PHKB: variants seen among roughly 807,000 people sequenced by gnomAD.
PHKB encodes phosphorylase b kinase regulatory subunit beta.
PHKB carries 122 observed loss-of-function variants against 152.1 expected under a neutral mutation model. That is an observed-to-expected ratio of 0.80 (90% CI 0.69 to 0.93). The LOEUF (loss-of-function observed/expected upper bound fraction) is 0.93. PHKB is among the 40% of genes least tolerant of loss of function. The pLI is 0.00. For missense variants in PHKB, 1,304 were observed against 1,328.4 expected (o/e 0.98, Z 0.29); for synonymous variants, 436 against 464.9 (o/e 0.94, Z 0.80).
chr16:47,543,226 T>C (rs1971094429), intron 6 of PHKB, among the ~76,000 whole-genome samples: 1 of 152,196 alleles, frequency 6.6e-6, no homozygotes, highest in African/African-American at 2.4e-5. Flanking sequence ...GTTGGAATAT[T>C]GTCAAAGGCC....
chr16:47,649,007 C>T, intron 17 of PHKB, 93 bp from the exon 18 acceptor site: 1 of 770,578 alleles, frequency 1.3e-6, no homozygotes. Context: ...CAGAATTAGA[C>T]ATCAGTTTTT....
intron 26 of PHKB, among the ~76,000 whole-genome samples, chr16:47,672,702 T>G (rs1973657552): frequency 6.6e-6 from 1 of 152,182 alleles, no homozygotes; most frequent in Admixed American, 6.5e-5. Flanking sequence ...ATTTAGGTCC[T>G]CTACAAATCT....
chr16:47,542,428 T>G, intron 6 of PHKB, among the ~76,000 whole-genome samples: 1 of 152,156 alleles, frequency 6.6e-6, no homozygotes, highest in East Asian at 1.9e-4. Context: ...TGAAGTCAGG[T>G]AGCGTGATGC....
chr16:47,528,695 T>C (rs1970807663), intron 6 of PHKB, among the ~76,000 whole-genome samples: 1 of 65,144 alleles, frequency 1.5e-5, no homozygotes, highest in Non-Finnish European at 3.6e-5. Flanking sequence ...AAGGACTTTT[T>C]CTTTTTTTTT....
At chr16:47,624,070 T>A (rs1168228894) in intron 14 of PHKB, among the ~76,000 whole-genome samples, 4 of 152,232 alleles carry the variant, frequency 2.6e-5, no homozygotes. Context: ...TATATTTTCA[T>A]GAATAATTTT....
At position 47,566,422 on chromosome 16, in the gene PHKB, C is replaced by T; in HGVS notation, c.711-13873C>T. The stretch of plus-strand genomic sequence containing the variant: ...CAAATTCTCCTGTTACCTAGAGACT[C>T]TTCATTGAGACTCAGGGCACTGAGC... On this transcript the variant is annotated intron_variant, in intron 7 of 30. Transcript: ENST00000323584. 2.5e-6 allele frequency: 4 copies of T among 1,609,152 alleles called. No individual in the cohort carries two copies. In the South Asian group the frequency reaches 4.4e-5, roughly 18 times the overall value.
chr16:47,665,322 G>C, intron 25 of PHKB: 1 of 262,736 alleles, frequency 3.8e-6, no homozygotes, highest in Non-Finnish European at 7.3e-6. Flanking sequence ...TATTGCATGT[G>C]CTGTACTTTA....
At chr16:47,636,643 A>G (rs1324632907) in intron 14 of PHKB, among the ~76,000 whole-genome samples, 1 of 152,226 alleles carries the variant, frequency 6.6e-6, no homozygotes, top group Non-Finnish European at 1.5e-5. Flanking sequence ...CAGTGTTGAC[A>G]TGCCATCCCC....
At chr16:47,640,710 TTTAGAG>T (rs1397137368) in intron 14 of PHKB, among the ~76,000 whole-genome samples, 1 of 152,146 alleles carries the variant, frequency 6.6e-6, no homozygotes, top group Non-Finnish European at 1.5e-5. Context: ...TCCTCTTCCC[TTTAGAG>T]TTAAATGATG....
chr16:47,677,647 C>T (rs983511914), intron 26 of PHKB, among the ~76,000 whole-genome samples: 1 of 152,126 alleles, frequency 6.6e-6, no homozygotes, highest in South Asian at 2.1e-4. Flanking sequence ...ACCTGATTAC[C>T]TCCCAAAGAC....
At position 47,650,862 on chromosome 16, in the gene PHKB, C is replaced by T. The variant is rs1567341920; in HGVS notation, c.1912C>T (p.Leu638=). Residue 638 remains leucine (L), a synonymous_variant, in exon 20 of 31, where the codon CTG becomes TTG. Transcript: ENST00000323584. ...GSRFNPILDM[L]AALKKGIIGG... ...CCGGTTCAACCCCATATTAGATATG[C>T]TGGCAGCCCTTAAAAAAGGAATAAT... 6.2e-7 allele frequency: 1 copy of T among 1,613,478 alleles called. No individual in the cohort carries two copies. The highest frequency in any genetic ancestry group is 2.2e-5 in the East Asian group (1 of 44,854).
intron 26 of PHKB, among the ~76,000 whole-genome samples, chr16:47,670,822 A>G (rs1973625325): frequency 6.6e-6 from 1 of 152,062 alleles, no homozygotes. Context: ...GATTTTGTCC[A>G]TGTCTCTTCA....
At chr16:47,483,032 TTC>T (rs1969990017) in intron 1 of PHKB, among the ~76,000 whole-genome samples, 2 of 137,240 alleles carry the variant, frequency 1.5e-5, no homozygotes, top group Non-Finnish European at 1.6e-5. Context: ...ATTAAATAAT[TTC>T]TTTTTTTTTT....
intron 6 of PHKB, chr16:47,529,487 A>C (rs778652050): frequency 2.0e-5 from 3 of 151,808 alleles, no homozygotes; most frequent in Non-Finnish European, 2.9e-5. Flanking sequence ...AGCTGGGACT[A>C]CAGGCACGCA....
intron 1 of PHKB, among the ~76,000 whole-genome samples, chr16:47,488,470 T>C (rs879157018): frequency 6.6e-6 from 1 of 152,196 alleles, no homozygotes; most frequent in Non-Finnish European, 1.5e-5. Flanking sequence ...AATTTTTGTT[T>C]TTGTTTTTGT....
At chr16:47,640,633 T>G (rs1973001317) in intron 14 of PHKB, among the ~76,000 whole-genome samples, 1 of 152,190 alleles carries the variant, frequency 6.6e-6, no homozygotes, top group South Asian at 2.1e-4. Flanking sequence ...AGATGTCAAA[T>G]GAACAATTTT....
intron 11 of PHKB, 81 bp downstream of exon 11, chr16:47,593,638 C>T: frequency 1.2e-6 from 1 of 850,464 alleles, no homozygotes; most frequent in Middle Eastern, 2.2e-4. Context: ...TAAAGAAGAG[C>T]AGAAATAAAT....
intron 8 of PHKB, among the ~76,000 whole-genome samples, chr16:47,583,466 C>T (rs1450649078): frequency 6.6e-6 from 1 of 152,184 alleles, no homozygotes; most frequent in African/African-American, 2.4e-5. Context: ...TAGAAACCAC[C>T]TCAAGACTTG....
At chr16:47,581,845 A>G (rs1971852806) in intron 8 of PHKB, among the ~76,000 whole-genome samples, 1 of 151,962 alleles carries the variant, frequency 6.6e-6, no homozygotes, top group Admixed American at 6.6e-5. Flanking sequence ...ACGCCCGGCT[A>G]ATTTTTGTAT....
Sources: gnomAD v4.1 joint callset for allele counts (sites outside exome capture counted in the v4.1 genomes callset) on GRCh38, gnomAD v4.1.1 for gene constraint, MANE v1.5 for transcripts, NCBI Gene and HGNC (gene_info 2026-07-23, HGNC 2026-07-21) for gene names.